The following IL27RA variants were observed in gnomAD, a reference collection of about 807,000 sequenced individuals.
IL27RA encodes the protein interleukin-27 receptor subunit alpha.
A neutral mutation model predicts 80.8 loss-of-function variants in IL27RA; 61 were observed. The observed-to-expected ratio is 0.76, with a 90% CI of 0.61 to 0.93. The LOEUF (loss-of-function observed/expected upper bound fraction) is 0.93, where lower values mean the gene tolerates loss of function less well. Among genes scored for constraint, IL27RA ranks in the 40% least tolerant of loss-of-function variants. IL27RA has a pLI of 0.00. For synonymous variants in IL27RA, 316 were observed against 332.5 expected, an observed-to-expected ratio of 0.95 and a Z score of 0.54; for missense variants, 735 against 808.1, an observed-to-expected ratio of 0.91 and a Z score of 1.10.
chr19:14,046,557 C>G lies in IL27RA; in HGVS notation c.1080C>G (p.Asp360Glu). Residue 360 changes from aspartate (D) to glutamate (E), a missense_variant, in exon 8 of 14, where the codon GAC (aspartate) becomes GAG (glutamate). Physicochemically the swap from Asp to Glu is conservative, Grantham distance 45. Transcript: ENST00000263379. Reference sequence around the variant, plus strand: ...TAGTGGACTGGGCTCGAGATGGGGACCCCCTGGAGAAACTCAACTGGGTCC... The same window carrying G: ...TAGTGGACTGGGCTCGAGATGGGGAGCCCCTGGAGAAACTCAACTGGGTCC... ...EHVVDWARDG[D>E]PLEKLNWVRL... 1 of 1,613,854 alleles carries G rather than the reference C, an allele frequency of 6.2e-7. No homozygotes were observed. Among genetic ancestry groups the G allele is most frequent in the Non-Finnish European group, 8.5e-7 (1 of 1,179,890 alleles).
At position 14,051,964 on chromosome 19, in the gene IL27RA, C is replaced by T; in HGVS notation, c.1707C>T (p.Pro569=). 1 of 1,585,530 alleles carries T rather than the reference C, an allele frequency of 6.3e-7. No individual in the cohort carries two copies. ...CTGCCAACAGCAGTTCAGGCCAGCC[C>T]CACATGGAGGTGAGTCAAAGGGCCG... is the stretch of plus-strand genomic sequence containing the variant. ...PDPANSSSGQ[P]HMEQVPEAQP... is the part of the protein sequence containing the mutation. The change falls in exon 13 of 14, where the codon CCC becomes CCT. Residue 569 remains proline, a synonymous_variant. Coordinates refer to ENST00000263379, the MANE Select transcript of IL27RA (RefSeq NM_004843.4).
intron 2 of IL27RA, among the ~76,000 whole-genome samples, chr19:14,037,370 C>T (rs1975918467): frequency 6.6e-6 from 1 of 151,682 alleles, no homozygotes; most frequent in Non-Finnish European, 1.5e-5. Flanking sequence ...AAGTGATTCT[C>T]CTGCCTCCCA....
At chr19:14,048,189 C>G (rs1976099126) in intron 8 of IL27RA, among the ~76,000 whole-genome samples, 1 of 150,008 alleles carries the variant, frequency 6.7e-6, no homozygotes, top group Non-Finnish European at 1.5e-5. Flanking sequence ...AACTCCTGAG[C>G]TCAGGCAATC....
chr19:14,046,199 G>A lies in IL27RA; in HGVS notation c.814G>A (p.Val272Ile). Residue 272 changes from valine to isoleucine, a missense_variant, in exon 7 of 14, where the codon GTT becomes ATT. Coordinates refer to ENST00000263379, the MANE Select transcript of IL27RA (RefSeq NM_004843.4). ...VQVSYKVWFW[V>I]GGRELSPEGI... ...GGTGAGCTACAAAGTCTGGTTCTGG[G>A]TTGGAGGTCGTGAGCTGAGTCCAGA... 6.2e-7 allele frequency: 1 copy of A among 1,614,218 alleles called. No individual in the cohort carries two copies. Among genetic ancestry groups the A allele is most frequent in the Non-Finnish European group, 8.5e-7 (1 of 1,180,046 alleles).
At chr19:14,032,050 C>G (rs1975823833) in intron 1 of IL27RA, 78 bp downstream of exon 1, 1 of 1,262,932 alleles carries the variant, frequency 7.9e-7, no homozygotes, top group Non-Finnish European at 1.1e-6. Context: ...CAGGATAAGC[C>G]ACGCGTATGC....
In IL27RA at chr19:14,039,752, G is replaced by A. The variant is rs746082483; in HGVS notation, c.377-1G>A. On this transcript the variant is annotated splice_acceptor_variant, in intron 3 of 13. Coordinates refer to ENST00000263379, the MANE Select transcript of IL27RA (RefSeq NM_004843.4). LOFTEE classifies it high-confidence loss of function. ...CTACACCCTAGTTTCCCCTTCCCCAGTGAAGCCAAACGCCCCCCGGCTGGG... is the reference window on the plus strand; with the variant it reads ...CTACACCCTAGTTTCCCCTTCCCCAATGAAGCCAAACGCCCCCCGGCTGGG... 4.3e-6 allele frequency: 7 copies of A among 1,613,232 alleles called. No homozygotes were observed. Among genetic ancestry groups the A allele is most frequent in the Non-Finnish European group, 5.9e-6 (7 of 1,179,588 alleles).
rs571586225 is a variant in IL27RA, at chr19:14,039,117, G to A, written c.219-391G>A. Reference sequence around the variant, plus strand: ...CTAGCCAACATGGTGAAACCCCATCGCTACTAAAAACACAAAAAAATTGGC... The same window carrying A: ...CTAGCCAACATGGTGAAACCCCATCACTACTAAAAACACAAAAAAATTGGC... On this transcript the variant is annotated intron_variant, in intron 2 of 13. Coordinates refer to ENST00000263379, the MANE Select transcript of IL27RA (RefSeq NM_004843.4). Among the ~76,000 whole-genome samples, 36 of 151,490 alleles carry A rather than the reference G, an allele frequency of 2.4e-4. 1 individual carries two copies. In the East Asian group the frequency reaches 7.0e-3, roughly 30 times the overall value.
At chr19:14,037,839 T>C (rs1308446122) in intron 2 of IL27RA, among the ~76,000 whole-genome samples, 1 of 149,470 alleles carries the variant, frequency 6.7e-6, no homozygotes, top group Non-Finnish European at 1.5e-5. Context: ...TCTCTCTTTT[T>C]TTTTTTTTTT....
chr19:14,051,708 T>A lies in IL27RA; in HGVS notation c.1622+8T>A. ...CCTGGCCACCTCTGGAAGGTGAGGCTGTCGGATACATGCATCTCTACCCAC... is the reference window on the plus strand; with the variant it reads ...CCTGGCCACCTCTGGAAGGTGAGGCAGTCGGATACATGCATCTCTACCCAC... On this transcript the variant is annotated splice_region_variant and intron_variant, in intron 12 of 13. Coordinates refer to ENST00000263379, the MANE Select transcript of IL27RA (RefSeq NM_004843.4). The A allele has an allele frequency of 1.3e-6, 2 of 1,590,040 alleles. No individual in the cohort carries two copies. The highest frequency in any genetic ancestry group is 1.7e-4 in the Middle Eastern group (1 of 5,982).
rs1320840531 is a variant in IL27RA, at chr19:14,042,575, G to A, written c.657G>A (p.Glu219=). 3.7e-6 allele frequency: 6 copies of A among 1,614,130 alleles called. No individual in the cohort carries two copies. The South Asian group carries it at 6.6e-5, about 18-fold the overall frequency. Residue 219 remains glutamate, a synonymous_variant, in exon 5 of 14, where the codon GAG becomes GAA. Coordinates refer to ENST00000263379, the MANE Select transcript of IL27RA (RefSeq NM_004843.4). ...RMEKEEDLWG[E]WSPILSFQTP... ...AGAAAGAAGAGGATTTGTGGGGCGA[G>A]TGGAGCCCCATTTTGTCCTTCCAGA...
rs1471656236 is a variant in IL27RA, at chr19:14,051,814, C to A, written c.1623-66C>A. The A allele has an allele frequency of 2.8e-6, 4 of 1,447,956 alleles. No individual in the cohort carries two copies. In the African/African-American group the frequency reaches 5.6e-5, roughly 20 times the overall value. 89.7% of individuals were successfully genotyped at this position (1,447,956 alleles called of 1,614,324 possible). ...TCAGGGCGCAGTCACATTCATGAAC[C>A]CTGCACCCTGGGCTGGGGCATCTGG... On this transcript the variant is annotated intron_variant, in intron 12 of 13. Coordinates refer to ENST00000263379, the MANE Select transcript of IL27RA (RefSeq NM_004843.4).
chr19:14,042,710 T>TG lies in IL27RA; in HGVS notation c.695-5dup, dbSNP rs1358791438. The TG allele has an allele frequency of 3.1e-6, 5 of 1,614,156 alleles. 1 individual carries two copies. The highest frequency in any genetic ancestry group is 4.2e-6 in the Non-Finnish European group (5 of 1,180,026). Reference sequence around the variant, plus strand: ...CATTTGTTCCCCGTTTCCTCATCCTTGCCAGCTCCAAAAGATGTGTGGGTA... The same window carrying TG: ...CATTTGTTCCCCGTTTCCTCATCCTTGGCCAGCTCCAAAAGATGTGTGGGTA... On this transcript the variant is annotated splice_region_variant and splice_polypyrimidine_tract_variant and intron_variant, in intron 5 of 13. Coordinates refer to ENST00000263379, the MANE Select transcript of IL27RA (RefSeq NM_004843.4).
intron 2 of IL27RA, among the ~76,000 whole-genome samples, chr19:14,034,861 G>A (rs1388914850): frequency 6.6e-6 from 1 of 151,522 alleles, no homozygotes; most frequent in Non-Finnish European, 1.5e-5. Context: ...GCTGAGGCAG[G>A]AGAGTGGCGT....
chr19:14,032,101 CG>C, intron 1 of IL27RA, 129 bp downstream of exon 1: 1 of 853,216 alleles, frequency 1.2e-6, no homozygotes, highest in Non-Finnish European at 1.8e-6. Flanking sequence ...CGGCTCCTCC[CG>C]GGGCAGGGAC....
Position 14,034,682 on chromosome 19 carries a change from G to A in IL27RA, c.218+2179G>A, listed in dbSNP as rs1380867596. On this transcript the variant is annotated intron_variant, in intron 2 of 13. Transcript: ENST00000263379. ...CTAAAAAAAAAAAAAGGCCGGGCGCGGTGGCTCAAGCCTGTAATCCTAGCA... is the reference window on the plus strand; with the variant it reads ...CTAAAAAAAAAAAAAGGCCGGGCGCAGTGGCTCAAGCCTGTAATCCTAGCA... Among the ~76,000 whole-genome samples the A allele has an allele frequency of 4.1e-5, 6 of 147,880 alleles. No individual in the cohort carries two copies. In the South Asian group the frequency reaches 6.4e-4, roughly 16 times the overall value.
In IL27RA at chr19:14,040,395, AATCT is replaced by A. The variant is rs900454205; in HGVS notation, c.534+489_534+492del. Among the ~76,000 whole-genome samples, 507 of 150,160 alleles carry A rather than the reference AATCT, an allele frequency of 3.4e-3. 3 individuals are homozygous for A. Among genetic ancestry groups the A allele is most frequent in the African/African-American group, 0.012 (485 of 40,736 alleles). ...AAAATTTTTTTTCTCCTGCCAAAATAATCTATCACCCGGTCACAGTGGCTCATTT... is the reference window on the plus strand; with the variant it reads ...AAAATTTTTTTTCTCCTGCCAAAATAATCACCCGGTCACAGTGGCTCATTT... On this transcript the variant is annotated intron_variant, in intron 4 of 13. Transcript: ENST00000263379.
At chr19:14,038,759 C>T (rs912377925) in intron 2 of IL27RA, among the ~76,000 whole-genome samples, 3 of 151,728 alleles carry the variant, frequency 2.0e-5, no homozygotes, top group African/African-American at 7.3e-5. Flanking sequence ...TGGCGCATGC[C>T]TGTAATTCCA....
rs1471526206 is a variant in IL27RA at position 14,052,569 on chromosome 19, CAG to C, written c.*281_*282del. 2 of 363,940 alleles carry C rather than the reference CAG, an allele frequency of 5.5e-6. No homozygotes were observed. The highest frequency in any genetic ancestry group is 4.2e-5 in the African/African-American group (2 of 47,336). 22.5% of individuals were successfully genotyped at this position (363,940 alleles called of 1,614,324 possible). On this transcript the variant is annotated 3_prime_UTR_variant, in exon 14 of 14. Coordinates refer to ENST00000263379, the MANE Select transcript of IL27RA (RefSeq NM_004843.4). Reference sequence around the variant, plus strand: ...CCTGCCAAAATCTGTTCCGCTGTAACAGAACTGAATTTGGACCCCAGCACAGT... The same window carrying C: ...CCTGCCAAAATCTGTTCCGCTGTAACAACTGAATTTGGACCCCAGCACAGT...
chr19:14,052,403 G>A lies in IL27RA; in HGVS notation c.*113G>A. ...ATGAAGACACTGAGGACTCAGAGAG[G>A]CTGAGTCACTTACCTGAGGACACCC... is the stretch of plus-strand genomic sequence containing the variant. On this transcript the variant is annotated 3_prime_UTR_variant, in exon 14 of 14. Transcript: ENST00000263379. The A allele has an allele frequency of 2.3e-6, 2 of 876,080 alleles. No homozygotes were observed. The highest frequency in any genetic ancestry group is 3.3e-6 in the Non-Finnish European group (2 of 606,542). The allele number at this position is 876,080 out of a possible 1,614,324, so 54.3% of individuals were successfully genotyped here.
Sources: allele counts gnomAD v4.1 joint callset (sites outside exome capture counted in the v4.1 genomes callset), GRCh38; gene constraint gnomAD v4.1.1; transcripts MANE v1.5; gene names NCBI Gene and HGNC (gene_info 2026-07-23, HGNC 2026-07-21).